SHISA9: variants seen among roughly 807,000 people sequenced by gnomAD.
SHISA9 encodes the protein protein shisa-9.
A neutral mutation model predicts 38.0 loss-of-function variants in SHISA9; 13 were observed. That is an observed-to-expected ratio of 0.34 (90% CI 0.22 to 0.54). SHISA9 has a LOEUF of 0.54. Ranked by LOEUF, SHISA9 falls within the 20% of genes least tolerant of loss-of-function variation. The pLI, the probability that SHISA9 is intolerant of heterozygous loss-of-function variation, is 0.91. For synonymous variants in SHISA9, 275 were observed against 242.0 expected (o/e 1.14, Z -1.27); for missense variants, 538 against 575.8 (o/e 0.93, Z 0.67).
At chr16:12,952,361 C>T (rs2071769426) in intron 2 of SHISA9, among the ~76,000 whole-genome samples, 1 of 152,186 alleles carries the variant, frequency 6.6e-6, no homozygotes, top group South Asian at 2.1e-4. Context: ...GGAGGATCTC[C>T]CAGAGGGCCC....
chr16:13,434,419 G>GTTTTTTGTTTTTTTTTT, the SHISA9 span, among the ~76,000 whole-genome samples: 13 of 64,554 alleles, frequency 2.0e-4, 1 homozygote, highest in South Asian at 6.5e-3. Flanking sequence ...GACAAGCTAT[G>GTTTTTTGTTTTTTTTTT]TTTTTTTTTT....
chr16:12,970,738 G>A (rs1416407626), intron 2 of SHISA9, among the ~76,000 whole-genome samples: 1 of 151,002 alleles, frequency 6.6e-6, no homozygotes, highest in African/African-American at 2.4e-5. Context: ...TGGCCAGGCT[G>A]GTCTCAAACT....
At chr16:13,142,268 G>A (rs192592760) in intron 2 of SHISA9, among the ~76,000 whole-genome samples, 1 of 152,266 alleles carries the variant, frequency 6.6e-6, no homozygotes, top group African/African-American at 2.4e-5. Context: ...GTGTAGGCAC[G>A]ATTACTTATT....
chr16:13,268,262 C>T, the SHISA9 span, among the ~76,000 whole-genome samples: 41 of 152,268 alleles, frequency 2.7e-4, no homozygotes, highest in African/African-American at 9.9e-4. Flanking sequence ...GTAATCCCAG[C>T]ACTTCAGGAG....
At chr16:13,119,253 A>C (rs1353572098) in intron 2 of SHISA9, among the ~76,000 whole-genome samples, 1 of 152,208 alleles carries the variant, frequency 6.6e-6, no homozygotes, top group Non-Finnish European at 1.5e-5. Flanking sequence ...TGCTGGAAGA[A>C]GGGAGGTGCT....
the SHISA9 span, among the ~76,000 whole-genome samples, chr16:13,288,522 G>T: frequency 6.6e-6 from 1 of 152,106 alleles, no homozygotes; most frequent in African/African-American, 2.4e-5. Context: ...TCGGCCAGGT[G>T]GGGTGGCTCA....
chr16:13,235,263 T>TC lies in SHISA9; in HGVS notation c.1132dup (p.Leu378ProfsTer78). The TC allele has an allele frequency of 6.4e-7, 1 of 1,551,560 alleles. No homozygotes were observed. Among genetic ancestry groups the TC allele is most frequent in the Non-Finnish European group, 8.7e-7 (1 of 1,146,986 alleles). ...TAAGGGCTGGGACCCCAACGAGCAG[T>TC]CCCTCCGGCGGCAGGCTTACAGCAA... On this transcript the variant is annotated frameshift_variant, in exon 5 of 5. Coordinates refer to ENST00000558583, the MANE Select transcript of SHISA9 (RefSeq NM_001145204.3). LOFTEE classifies it high-confidence loss of function.
chr16:13,533,560 C>G, the SHISA9 span, among the ~76,000 whole-genome samples: 2 of 152,022 alleles, frequency 1.3e-5, no homozygotes, highest in African/African-American at 4.8e-5. Context: ...TTCATCACCC[C>G]ACCCCCACCA....
chr16:13,095,003 C>G (rs1055767615), intron 2 of SHISA9, among the ~76,000 whole-genome samples: 1 of 152,208 alleles, frequency 6.6e-6, no homozygotes. Flanking sequence ...TCCTCCTCTC[C>G]TTCCCTCTTT....
At chr16:12,919,923 CG>C (rs1184639357) in intron 2 of SHISA9, among the ~76,000 whole-genome samples, 4 of 152,160 alleles carry the variant, frequency 2.6e-5, no homozygotes, top group African/African-American at 9.7e-5. Flanking sequence ...GTATAATTAT[CG>C]TTTGTTTTTG....
rs74012282 is a variant in SHISA9 at position 13,133,344 on chromosome 16, G to A, written c.692-70050G>A. Among the ~76,000 whole-genome samples the A allele has an allele frequency of 3.3e-3, 498 of 152,266 alleles. 5 individuals carry two copies. The highest frequency in any genetic ancestry group is 0.012 in the African/African-American group (478 of 41,542). ...TCAAGAAAGAGAATTTGCTCACAAGGAATGTCCATAATTTTCATTTCTCAT... is the reference window on the plus strand; with the variant it reads ...TCAAGAAAGAGAATTTGCTCACAAGAAATGTCCATAATTTTCATTTCTCAT... On this transcript the variant is annotated intron_variant, in intron 2 of 4. Transcript: ENST00000558583.
the SHISA9 span, among the ~76,000 whole-genome samples, chr16:13,413,062 T>A: frequency 6.6e-6 from 1 of 152,046 alleles, no homozygotes; most frequent in African/African-American, 2.4e-5. Flanking sequence ...AAAGAAGGGA[T>A]TAACTCACCT....
chr16:13,548,149 A>T, the SHISA9 span, among the ~76,000 whole-genome samples: 1 of 152,216 alleles, frequency 6.6e-6, no homozygotes, highest in Non-Finnish European at 1.5e-5. Flanking sequence ...ATGCTTGAAT[A>T]ACTAAATATC....
chr16:13,116,027 A>T (rs1474372604), intron 2 of SHISA9, among the ~76,000 whole-genome samples: 1 of 152,140 alleles, frequency 6.6e-6, no homozygotes, highest in Non-Finnish European at 1.5e-5. Flanking sequence ...TTAATTCTTC[A>T]TTCTGCCTTA....
chr16:13,165,118 G>T (rs1245728648), intron 2 of SHISA9, among the ~76,000 whole-genome samples: 1 of 152,062 alleles, frequency 6.6e-6, no homozygotes, highest in African/African-American at 2.4e-5. Context: ...CTTTGTATTT[G>T]TAGAGTTTTC....
At chr16:13,089,328 G>C (rs1192926881) in intron 2 of SHISA9, among the ~76,000 whole-genome samples, 1 of 152,144 alleles carries the variant, frequency 6.6e-6, no homozygotes, top group African/African-American at 2.4e-5. Flanking sequence ...AATGAGTTAG[G>C]GAGGATTCCC....
chr16:13,251,371 G>T, the SHISA9 span, among the ~76,000 whole-genome samples: 54 of 152,234 alleles, frequency 3.5e-4, no homozygotes, highest in East Asian at 0.01. Context: ...AGCTATGCAG[G>T]TGTACCCAGT....
the SHISA9 span, among the ~76,000 whole-genome samples, chr16:13,295,788 G>A: frequency 6.6e-6 from 1 of 152,146 alleles, no homozygotes; most frequent in Non-Finnish European, 1.5e-5. Context: ...ATCACACAAT[G>A]CAGTGGTCCT....
chr16:13,234,900 T>C, intron 4 of SHISA9, 130 bp from the exon 5 acceptor site: 1 of 1,082,684 alleles, frequency 9.2e-7, no homozygotes. Flanking sequence ...CTAGTGTGTC[T>C]TGTTTGGACT....
Sources: gnomAD v4.1 joint callset for allele counts (sites outside exome capture counted in the v4.1 genomes callset) on GRCh38, gnomAD v4.1.1 for gene constraint, MANE v1.5 for transcripts, NCBI Gene and HGNC (gene_info 2026-07-23, HGNC 2026-07-21) for gene names.